DDR2: variants seen among roughly 807,000 people sequenced by gnomAD.
DDR2 encodes discoidin domain-containing receptor 2.
A neutral mutation model predicts 94.9 loss-of-function variants in DDR2; 27 were observed. The ratio of observed to expected loss-of-function variants is 0.28; its 90% CI spans 0.21 to 0.39. The LOEUF is 0.39. Among genes scored for constraint, DDR2 ranks in the 10% least tolerant of loss-of-function variants. DDR2 has a pLI of 1.00. For missense variants in DDR2, 783 were observed against 1,076.0 expected (o/e 0.73, Z 3.81); for synonymous variants, 382 against 377.2 (o/e 1.01, Z -0.15).
At chr1:162,753,273 G>C in intron 4 of DDR2, 76 bp downstream of exon 4, 1 of 1,371,314 alleles carries the variant, frequency 7.3e-7, no homozygotes, top group Non-Finnish European at 1.0e-6. Flanking sequence ...CTGACCCTAG[G>C]GGCTGGGGAA....
At position 162,783,869 on chromosome 1, in the gene DDR2, A is replaced by T. The variant is rs992500768; in HGVS notation, c.*3623A>T. 4 of 151,994 alleles carry T rather than the reference A, an allele frequency of 2.6e-5. No homozygotes were observed. Among genetic ancestry groups the T allele is most frequent in the Non-Finnish European group, 4.4e-5 (3 of 67,982 alleles). 9.4% of individuals were successfully genotyped at this position (151,994 alleles called of 1,614,324 possible). A position where few individuals can be genotyped will look rare whatever the true frequency, so the allele number is the denominator to read the frequency against. The stretch of plus-strand genomic sequence containing the variant: ...TTCAAGTGCTGGTGAGAAGAAAGGA[A>T]CTCTTTGCCTGAACTGGGCTTGGTT... On this transcript the variant is annotated 3_prime_UTR_variant, in exon 18 of 18. Coordinates refer to ENST00000367921, the MANE Select transcript of DDR2 (RefSeq NM_006182.4).
intron 3 of DDR2, among the ~76,000 whole-genome samples, chr1:162,751,714 G>A (rs778865432): frequency 7.0e-4 from 106 of 152,056 alleles, no homozygotes; most frequent in Non-Finnish European, 1.4e-3. Flanking sequence ...TTATTGTGGC[G>A]CTATTCACAA....
intron 1 of DDR2, among the ~76,000 whole-genome samples, chr1:162,640,044 AT>A (rs879795108): frequency 3.1e-3 from 444 of 142,418 alleles, no homozygotes; most frequent in Middle Eastern, 3.7e-3. Context: ...GGGTGAAATG[AT>A]TTTTTTTTTT....
At chr1:162,646,115 C>A (rs934627051) in intron 1 of DDR2, among the ~76,000 whole-genome samples, 1 of 152,190 alleles carries the variant, frequency 6.6e-6, no homozygotes, top group Admixed American at 6.5e-5. Context: ...CTGGCTTTCA[C>A]TGGGCATTTG....
chr1:162,670,017 C>T (rs904860201), intron 2 of DDR2, among the ~76,000 whole-genome samples: 2 of 151,472 alleles, frequency 1.3e-5, no homozygotes, highest in African/African-American at 4.9e-5. Context: ...TTTTAAAATT[C>T]CTGAAAAGAG....
At chr1:162,682,526 G>T (rs1191816563) in intron 2 of DDR2, among the ~76,000 whole-genome samples, 1 of 152,204 alleles carries the variant, frequency 6.6e-6, no homozygotes, top group Non-Finnish European at 1.5e-5. Flanking sequence ...AATTCTAGGG[G>T]TGAGAATGAG....
chr1:162,749,250 G>C (rs1036886019), intron 3 of DDR2, among the ~76,000 whole-genome samples: 2 of 152,120 alleles, frequency 1.3e-5, no homozygotes, highest in East Asian at 1.9e-4. Context: ...AAAATTGATA[G>C]ACCGCTAGCA....
At chr1:162,779,519 G>A (rs941389678) in intron 17 of DDR2, among the ~76,000 whole-genome samples, 1 of 152,138 alleles carries the variant, frequency 6.6e-6, no homozygotes, top group Admixed American at 6.5e-5. Flanking sequence ...ATCCAAGCAA[G>A]CCAAAGATAG....
At chr1:162,767,545 G>A (rs138175203) in intron 11 of DDR2, among the ~76,000 whole-genome samples, 186 bp downstream of exon 11, 1,580 of 152,198 alleles carry the variant, frequency 0.01, 31 homozygotes, top group African/African-American at 0.036. Context: ...TTTTTAGAGT[G>A]GAGATGTTGG....
chr1:162,712,872 T>C (rs760212092), intron 2 of DDR2, among the ~76,000 whole-genome samples: 4 of 152,144 alleles, frequency 2.6e-5, no homozygotes, highest in Non-Finnish European at 5.9e-5. Flanking sequence ...TCAAAATTAA[T>C]CTCATTTCGA....
At chr1:162,677,266 C>T (rs1335737933) in intron 2 of DDR2, among the ~76,000 whole-genome samples, 1 of 152,126 alleles carries the variant, frequency 6.6e-6, no homozygotes, top group Admixed American at 6.6e-5. Flanking sequence ...CCCCAGGGGG[C>T]CACTTCCAAA....
At chr1:162,727,621 C>T (rs899684658) in intron 3 of DDR2, among the ~76,000 whole-genome samples, 4 of 149,310 alleles carry the variant, frequency 2.7e-5, no homozygotes, top group Admixed American at 2.0e-4. Flanking sequence ...TCTTCTTATT[C>T]ATCAAACATT....
At chr1:162,742,853 T>G (rs1662677414) in intron 3 of DDR2, among the ~76,000 whole-genome samples, 1 of 151,954 alleles carries the variant, frequency 6.6e-6, no homozygotes, top group African/African-American at 2.4e-5. Context: ...CAAGAGAAAA[T>G]GAAGAAGAAG....
chr1:162,753,025 CT>C, intron 3 of DDR2, 69 bp from the exon 4 acceptor site: 1 of 1,339,556 alleles, frequency 7.5e-7, no homozygotes, highest in South Asian at 1.2e-5. Context: ...CAGTGATATT[CT>C]TCCTAGGGGG....
chr1:162,767,462 G>T, intron 11 of DDR2, 103 bp downstream of exon 11: 1 of 1,491,336 alleles, frequency 6.7e-7, no homozygotes, highest in Non-Finnish European at 9.1e-7. Flanking sequence ...TTTATTAATG[G>T]TTGGAATTAA....
chr1:162,741,233 A>ATAATG (rs2102085997), intron 3 of DDR2, among the ~76,000 whole-genome samples: 1 of 141,660 alleles, frequency 7.1e-6, no homozygotes, highest in South Asian at 2.2e-4. Context: ...ATAATATAAT[A>ATAATG]TAATATAATA....
chr1:162,680,035 AGTC>A, intron 2 of DDR2, among the ~76,000 whole-genome samples: 1 of 152,132 alleles, frequency 6.6e-6, no homozygotes, highest in Non-Finnish European at 1.5e-5. Flanking sequence ...CTGGACATTA[AGTC>A]TTTGTCTGTT....
chr1:162,667,399 C>T (rs1304958282), intron 2 of DDR2, among the ~76,000 whole-genome samples: 3 of 152,186 alleles, frequency 2.0e-5, no homozygotes, highest in Non-Finnish European at 4.4e-5. Context: ...ATGGCAGACC[C>T]CGTGTTTCCC....
At chr1:162,716,674 A>T (rs1296543697) in intron 2 of DDR2, among the ~76,000 whole-genome samples, 1 of 148,792 alleles carries the variant, frequency 6.7e-6, no homozygotes, top group Non-Finnish European at 1.5e-5. Flanking sequence ...CTTTGGATCC[A>T]TCCTCTTCAG....
Sources: allele counts gnomAD v4.1 joint callset (sites outside exome capture counted in the v4.1 genomes callset), GRCh38; gene constraint gnomAD v4.1.1; transcripts MANE v1.5; gene names NCBI Gene and HGNC (gene_info 2026-07-23, HGNC 2026-07-21).